ANKRD30B: variants seen among roughly 807,000 people sequenced by gnomAD.
ANKRD30B encodes the protein ankyrin repeat domain-containing protein 30B.
ANKRD30B carries 144 observed loss-of-function variants against 202.2 expected under a neutral mutation model. The ratio of observed to expected loss-of-function variants is 0.71; its 90% CI spans 0.62 to 0.82. The LOEUF is 0.82. Ranked by LOEUF, ANKRD30B falls within the 40% of genes least tolerant of loss-of-function variation. The probability of loss-of-function intolerance (pLI) is 0.00; values close to 1 mark genes in which losing one functional copy is unlikely to be tolerated. For synonymous variants in ANKRD30B, 508 were observed against 561.3 expected (o/e 0.91, Z 1.34); for missense variants, 1,487 against 1,669.1 (o/e 0.89, Z 1.90).
Position 14,784,483 on chromosome 18 carries a change from G to A in ANKRD30B, c.1620G>A (p.Lys540=), listed in dbSNP as rs780460113. Residue 540 remains lysine (K), a synonymous_variant, in exon 14 of 44, where the codon AAG becomes AAA. Coordinates refer to ENST00000690538, the MANE Select transcript of ANKRD30B (RefSeq NM_001367607.2). The part of the protein sequence containing the change: ...SAFKPAVEMQ[K]TVPNKAFELK... ...TTTAGCCTGCCGTTGAAATGCAAAA[G>A]ACTGTTCCAAATAAAGCCTTTGAAT... 65 of 1,613,158 alleles carry A rather than the reference G, an allele frequency of 4.0e-5. No homozygotes were observed. The highest frequency in any genetic ancestry group is 5.5e-5 in the Non-Finnish European group (65 of 1,179,372).
At chr18:14,797,634 C>T (rs1433323321) in intron 18 of ANKRD30B, 27 bp from the exon 19 acceptor site, 2 of 1,596,808 alleles carry the variant, frequency 1.3e-6, no homozygotes, top group Non-Finnish European at 1.7e-6. Context: ...TGCATATAAT[C>T]AATTATAAAT....
At chr18:14,793,688 A>G (rs1360928381) in intron 16 of ANKRD30B, among the ~76,000 whole-genome samples, 2 of 151,978 alleles carry the variant, frequency 1.3e-5, no homozygotes, top group African/African-American at 4.8e-5. Flanking sequence ...AGGTCAGGAG[A>G]TCCAGACCAT....
chr18:14,761,297 C>T (rs1373306004), intron 6 of ANKRD30B, among the ~76,000 whole-genome samples: 1 of 152,182 alleles, frequency 6.6e-6, no homozygotes, highest in African/African-American at 2.4e-5. Context: ...CCATTACAGA[C>T]ACCAAGGAAG....
At chr18:14,936,237 G>C in the ANKRD30B span, among the ~76,000 whole-genome samples, 1 of 152,328 alleles carries the variant, frequency 6.6e-6, no homozygotes, top group East Asian at 1.9e-4. Flanking sequence ...CACTGTGAAA[G>C]GACTGTCTGT....
the ANKRD30B span, among the ~76,000 whole-genome samples, chr18:14,910,484 A>AATATATATATAT: frequency 1.0e-4 from 15 of 147,624 alleles, no homozygotes; most frequent in African/African-American, 3.7e-4. Flanking sequence ...ACAATGTAAA[A>AATATATATATAT]ATATATATAT....
chr18:14,767,214 T>C (rs895359423), intron 7 of ANKRD30B, among the ~76,000 whole-genome samples: 1 of 152,182 alleles, frequency 6.6e-6, no homozygotes, highest in Non-Finnish European at 1.5e-5. Context: ...TGTGTCTCTC[T>C]CTCACACAAA....
chr18:14,916,492 G>A, the ANKRD30B span, among the ~76,000 whole-genome samples: 1 of 56,456 alleles, frequency 1.8e-5, no homozygotes, highest in Admixed American at 2.6e-4. Flanking sequence ...GATGCCTCCA[G>A]CTGGAAGAAG....
chr18:14,919,900 C>G, the ANKRD30B span, among the ~76,000 whole-genome samples: 1 of 152,318 alleles, frequency 6.6e-6, no homozygotes, highest in Middle Eastern at 3.4e-3. Flanking sequence ...TAGAACAGGG[C>G]TTGCAGGTCA....
At chr18:14,757,713 A>G in intron 4 of ANKRD30B, 102 bp from the exon 5 acceptor site, 1 of 1,292,086 alleles carries the variant, frequency 7.7e-7, no homozygotes, top group Non-Finnish European at 1.0e-6. Flanking sequence ...TGAGCACTCA[A>G]GATACTTATG....
intron 14 of ANKRD30B, among the ~76,000 whole-genome samples, chr18:14,786,758 CAGG>C (rs773211521): frequency 3.9e-5 from 6 of 152,238 alleles, no homozygotes; most frequent in South Asian, 4.1e-4. Flanking sequence ...CTGTGTTTTA[CAGG>C]AGAAGAGGAT....
chr18:14,817,195 T>G (rs1598666725), intron 30 of ANKRD30B: 1 of 152,216 alleles, frequency 6.6e-6, no homozygotes, highest in Non-Finnish European at 1.5e-5. Context: ...AAGGTTTTGT[T>G]TAAGTGTATG....
chr18:14,839,937 C>T lies in ANKRD30B; in HGVS notation c.2989-651C>T. ...CATATTGTATTTTGTTTGAAATGTC[C>T]TATTGTTTTTGGTGAGGACTACAGT... On this transcript the variant is annotated intron_variant, in intron 36 of 43. Transcript: ENST00000690538. 1.3e-5 allele frequency among the ~76,000 whole-genome samples: 2 copies of T among 152,060 alleles called. 1 individual carries two copies. Among genetic ancestry groups the T allele is most frequent in the Non-Finnish European group, 2.9e-5 (2 of 68,014 alleles).
At chr18:14,776,112 A>G (rs1484714245) in intron 9 of ANKRD30B, among the ~76,000 whole-genome samples, 2 of 152,192 alleles carry the variant, frequency 1.3e-5, no homozygotes, top group Non-Finnish European at 2.9e-5. Flanking sequence ...GGGGATGGTA[A>G]CTTTCAGCAG....
chr18:14,933,687 G>T, the ANKRD30B span, among the ~76,000 whole-genome samples: 1 of 152,094 alleles, frequency 6.6e-6, no homozygotes, highest in Non-Finnish European at 1.5e-5. Flanking sequence ...TGAAGGGCAG[G>T]AAAGGAAAGG....
At chr18:14,789,974 C>T (rs181810530) in intron 15 of ANKRD30B, among the ~76,000 whole-genome samples, 1 of 152,156 alleles carries the variant, frequency 6.6e-6, no homozygotes, top group Non-Finnish European at 1.5e-5. Context: ...CTATAAATTA[C>T]TTGGGCAGTA....
At chr18:14,909,989 A>G in the ANKRD30B span, 1 of 152,120 alleles carries the variant, frequency 6.6e-6, no homozygotes, top group East Asian at 1.9e-4. Context: ...ATGGCAGGCA[A>G]CCACTGGTCA....
Position 14,828,872 on chromosome 18 carries a change from C to T in ANKRD30B, c.2774+564C>T, listed in dbSNP as rs572848038. Among the ~76,000 whole-genome samples the T allele has an allele frequency of 3.9e-4, 60 of 152,206 alleles. No individual in the cohort carries two copies. In the East Asian group the frequency reaches 0.011, roughly 27 times the overall value. On this transcript the variant is annotated intron_variant, in intron 33 of 43. Coordinates refer to ENST00000690538, the MANE Select transcript of ANKRD30B (RefSeq NM_001367607.2). ...ATAGGCTTTTGTTTCATATGCAATA[C>T]CAGGTAAATCCTATAGATGGATTAT...
At chr18:14,829,900 C>A (rs1970827336) in intron 33 of ANKRD30B, among the ~76,000 whole-genome samples, 1 of 152,168 alleles carries the variant, frequency 6.6e-6, no homozygotes, top group Admixed American at 6.5e-5. Flanking sequence ...AGATCTGTGG[C>A]CTAAGGCAGG....
the ANKRD30B span, among the ~76,000 whole-genome samples, chr18:14,900,432 G>A: frequency 6.6e-6 from 1 of 151,918 alleles, no homozygotes; most frequent in African/African-American, 2.4e-5. Flanking sequence ...TTCTTATGAG[G>A]CATAATAAGC....
Sources: allele counts gnomAD v4.1 joint callset (sites outside exome capture counted in the v4.1 genomes callset), GRCh38; gene constraint gnomAD v4.1.1; transcripts MANE v1.5; gene names NCBI Gene and HGNC (gene_info 2026-07-23, HGNC 2026-07-21).